EVC: variants seen among roughly 807,000 people sequenced by gnomAD.
EVC encodes EvC ciliary complex subunit 1.
EVC carries 116 observed loss-of-function variants against 118.9 expected under a neutral mutation model. The ratio of observed to expected loss-of-function variants is 0.98; its 90% CI spans 0.84 to 1.14. The LOEUF (loss-of-function observed/expected upper bound fraction) is 1.14, where lower values mean the gene tolerates loss of function less well. Among genes scored for constraint, EVC ranks in the 50% most tolerant of loss-of-function variants. The pLI is 0.00. For synonymous variants in EVC, 619 were observed against 534.7 expected (o/e 1.16, Z -2.18); for missense variants, 1,401 against 1,246.4 (o/e 1.12, Z -1.87).
At chr4:5,803,750 G>C (rs966553454) in intron 16 of EVC, among the ~76,000 whole-genome samples, 12 of 152,178 alleles carry the variant, frequency 7.9e-5, no homozygotes, top group Admixed American at 5.9e-4. Context: ...CTCCCTGTAA[G>C]TGCCAGCAAG....
At chr4:5,791,429 G>A (rs7678015) in intron 12 of EVC, among the ~76,000 whole-genome samples, 68,252 of 151,786 alleles carry the variant, frequency 0.45, 15,535 homozygotes, top group South Asian at 0.6. Flanking sequence ...TTCAAACAAT[G>A]AACTGAAGAG....
chr4:5,753,070 G>T lies in EVC; in HGVS notation c.1315+18G>T, dbSNP rs1191466875. 6.4e-7 allele frequency: 1 copy of T among 1,565,820 alleles called. No homozygotes were observed. The highest frequency in any genetic ancestry group is 8.7e-7 in the Non-Finnish European group (1 of 1,155,944). On this transcript the variant is annotated intron_variant, in intron 9 of 20. Transcript: ENST00000264956. ...CAGCCGGGGTGAGCCGTGGGCATGG[G>T]TGCCGCCGTCCACAACACTGGCCTT...
chr4:5,731,248 G>T lies in EVC; in HGVS notation c.385-177G>T, dbSNP rs971007534. 2.6e-5 allele frequency among the ~76,000 whole-genome samples: 4 copies of T among 152,006 alleles called. No individual in the cohort carries two copies. Among genetic ancestry groups the T allele is most frequent in the Non-Finnish European group, 5.9e-5 (4 of 67,996 alleles). On this transcript the variant is annotated intron_variant, in intron 3 of 20. Transcript: ENST00000264956. This position sits in a 1 kb window ranked among gnomAD's most constrained non-coding sequence, Gnocchi z 5.6. ...GAACTGTGATTCGGGCCTCTGGGCT[G>T]TCGATGTGGCAGAACCTGGGACGGA...
At chr4:5,718,395 A>G (rs1724336881) in intron 1 of EVC, among the ~76,000 whole-genome samples, 1 of 152,162 alleles carries the variant, frequency 6.6e-6, no homozygotes, top group East Asian at 1.9e-4. Flanking sequence ...CTTCTGTAAC[A>G]CACCCATTTC....
chr4:5,719,274 GA>G lies in EVC; in HGVS notation c.203del (p.Asn68IlefsTer48), dbSNP rs1560274093. On this transcript the variant is annotated frameshift_variant, in exon 2 of 21. Transcript: ENST00000264956. LOFTEE classifies it high-confidence loss of function. The surrounding 1 kb of genome is among the most constrained non-coding windows in gnomAD (Gnocchi z 4.7). ...QKDDTQNLLKNLESNAQTPSE... is the reference protein window; with the variant it reads ...QKDDTQNLLKXLESNAQTPSE... Reference sequence around the variant, plus strand: ...AAGACGACACTCAAAATCTGCTCAAGAATTTGGAGTCTAATGCGCAGACCCC... The same window carrying G: ...AAGACGACACTCAAAATCTGCTCAAGATTTGGAGTCTAATGCGCAGACCCC... The G allele has an allele frequency of 1.2e-6, 2 of 1,614,182 alleles. No individual in the cohort carries two copies. The highest frequency in any genetic ancestry group is 1.7e-5 in the Admixed American group (1 of 59,988).
intron 5 of EVC, 126 bp downstream of exon 5, chr4:5,733,561 G>C: frequency 2.3e-6 from 2 of 886,592 alleles, no homozygotes; most frequent in Non-Finnish European, 3.7e-6. Context: ...GCCGCTGTGA[G>C]GTGGGGGAAA....
intron 11 of EVC, among the ~76,000 whole-genome samples, chr4:5,767,639 T>C (rs915497314): frequency 1.3e-5 from 2 of 151,978 alleles, no homozygotes; most frequent in Admixed American, 6.5e-5. Flanking sequence ...AAGCACAGTA[T>C]GCGGGTGGGA....
chr4:5,799,105 T>A (rs1228318691), intron 15 of EVC, among the ~76,000 whole-genome samples: 1 of 152,082 alleles, frequency 6.6e-6, no homozygotes, highest in Non-Finnish European at 1.5e-5. Flanking sequence ...ACACAGCTGG[T>A]CAGTGGCAGA....
chr4:5,804,618 C>A, intron 16 of EVC, 112 bp from the exon 17 acceptor site: 1 of 843,616 alleles, frequency 1.2e-6, no homozygotes, highest in Non-Finnish European at 2.0e-6. Context: ...GAAGGATACA[C>A]TCTTGGAGAG....
chr4:5,783,219 C>T (rs1052452374), intron 11 of EVC, among the ~76,000 whole-genome samples: 2 of 151,792 alleles, frequency 1.3e-5, no homozygotes, highest in Non-Finnish European at 2.9e-5. Flanking sequence ...CAAATGTGAA[C>T]GAAAGTGTGC....
chr4:5,733,556 T>G (rs1371627763), intron 5 of EVC, 121 bp downstream of exon 5: 17 of 909,386 alleles, frequency 1.9e-5, no homozygotes, highest in Non-Finnish European at 2.7e-5. Context: ...ACAGAGCCGC[T>G]GTGAGGTGGG....
rs1728771475 is a variant in EVC, at chr4:5,742,577, A to G, written c.801+763A>G. Among the ~76,000 whole-genome samples the G allele has an allele frequency of 6.6e-6, 1 of 152,102 alleles. No individual in the cohort carries two copies. Among genetic ancestry groups the G allele is most frequent in the South Asian group, 2.1e-4 (1 of 4,824 alleles). On this transcript the variant is annotated intron_variant, in intron 6 of 20. Transcript: ENST00000264956. This position sits in a 1 kb window ranked among gnomAD's most constrained non-coding sequence, Gnocchi z 5.2. The stretch of plus-strand genomic sequence containing the variant: ...ACTGACATCATCATTCTTTGTCTTT[A>G]CCACCATCATCATCATCCTCATGAC...
At chr4:5,790,500 A>C (rs557513043) in intron 12 of EVC, among the ~76,000 whole-genome samples, 59 of 152,180 alleles carry the variant, frequency 3.9e-4, no homozygotes, top group African/African-American at 1.3e-3. Flanking sequence ...AAAGGGACTG[A>C]CTCTCACCTT....
Position 5,787,394 on chromosome 4 carries a change from T to C in EVC, c.1776+3630T>C, listed in dbSNP as rs188970997. ...GATGATCTGGCTTGGCCCCATGTTATCACAAGGGTCCTTATAAGTGAAAAA... is the reference window on the plus strand; with the variant it reads ...GATGATCTGGCTTGGCCCCATGTTACCACAAGGGTCCTTATAAGTGAAAAA... On this transcript the variant is annotated intron_variant, in intron 12 of 20. Coordinates refer to ENST00000264956, the MANE Select transcript of EVC (RefSeq NM_153717.3). 5.9e-5 allele frequency among the ~76,000 whole-genome samples: 9 copies of C among 152,212 alleles called. No homozygotes were observed. The South Asian group carries it at 8.3e-4, about 14-fold the overall frequency.
rs913125011 is a variant in EVC at position 5,780,074 on chromosome 4, G to T, written c.1564-3478G>T. 2.0e-5 allele frequency among the ~76,000 whole-genome samples: 3 copies of T among 152,096 alleles called. No individual in the cohort carries two copies. In the East Asian group the frequency reaches 5.8e-4, roughly 29 times the overall value. On this transcript the variant is annotated intron_variant, in intron 11 of 20. Transcript: ENST00000264956. Reference sequence around the variant, plus strand: ...GAAGGGTTGTTGAATTTTGTCAAAGGTCTTTTCTGCATCTATTGAGATAAT... The same window carrying T: ...GAAGGGTTGTTGAATTTTGTCAAAGTTCTTTTCTGCATCTATTGAGATAAT...
intron 11 of EVC, among the ~76,000 whole-genome samples, chr4:5,769,478 C>A (rs1335108743): frequency 7.8e-6 from 1 of 127,394 alleles, no homozygotes; most frequent in Non-Finnish European, 1.8e-5. Flanking sequence ...TCTGAATCCC[C>A]CCTGTCTCTC....
intron 8 of EVC, among the ~76,000 whole-genome samples, chr4:5,752,010 T>C (rs1426064907): frequency 6.6e-6 from 1 of 152,044 alleles, no homozygotes; most frequent in African/African-American, 2.4e-5. Context: ...TCAGCATCTC[T>C]GAAAGGTCCG....
intron 11 of EVC, among the ~76,000 whole-genome samples, chr4:5,773,027 C>A (rs554555252): frequency 2.0e-5 from 3 of 152,168 alleles, no homozygotes; most frequent in Admixed American, 6.5e-5. Flanking sequence ...GCACTGTCCC[C>A]TGTTGGGCTG....
intron 6 of EVC, among the ~76,000 whole-genome samples, 171 bp downstream of exon 6, chr4:5,741,985 G>A (rs1421135550): frequency 6.6e-6 from 1 of 151,694 alleles, no homozygotes; most frequent in Non-Finnish European, 1.5e-5. Context: ...TTTAAAAAGT[G>A]TATTATTAAA....
Sources: gnomAD v4.1 joint callset for allele counts (sites outside exome capture counted in the v4.1 genomes callset) on GRCh38, gnomAD v4.1.1 for gene constraint, Gnocchi (gnomAD v3.1) non-coding constraint, MANE v1.5 for transcripts, NCBI Gene and HGNC (gene_info 2026-07-23, HGNC 2026-07-21) for gene names.